CNTNAP2: variants seen among roughly 807,000 people sequenced by gnomAD.
The protein encoded by CNTNAP2 is contactin-associated protein-like 2.
In CNTNAP2, 98 loss-of-function variants were observed where a neutral mutation model predicts 155.2. The observed-to-expected ratio is 0.63, with a 90% CI of 0.54 to 0.75. The LOEUF (loss-of-function observed/expected upper bound fraction) is 0.75, where lower values mean the gene tolerates loss of function less well. CNTNAP2 is among the 30% of genes least tolerant of loss of function. The probability of loss-of-function intolerance (pLI) is 0.00; values close to 1 mark genes in which losing one functional copy is unlikely to be tolerated. For missense variants in CNTNAP2, 1,727 were observed against 1,688.1 expected, an observed-to-expected ratio of 1.02 and a Z score of -0.40; for synonymous variants, 651 against 631.2, an observed-to-expected ratio of 1.03 and a Z score of -0.47.
chr7:146,705,065 C>T (rs1800940170), intron 1 of CNTNAP2, among the ~76,000 whole-genome samples: 1 of 152,116 alleles, frequency 6.6e-6, no homozygotes, highest in Admixed American at 6.6e-5. Flanking sequence ...GGGAGGCACC[C>T]TTGTCCCCTA....
At chr7:146,536,913 A>G (rs1797878056) in intron 1 of CNTNAP2, among the ~76,000 whole-genome samples, 1 of 152,164 alleles carries the variant, frequency 6.6e-6, no homozygotes, top group Non-Finnish European at 1.5e-5. Flanking sequence ...TATTTTAATC[A>G]AATAATTATA....
chr7:146,211,178 C>T (rs1799028779), intron 1 of CNTNAP2, among the ~76,000 whole-genome samples: 2 of 152,128 alleles, frequency 1.3e-5, no homozygotes. Context: ...TGCATCCGTG[C>T]ACTTTATGTA....
rs181780829 is a variant in CNTNAP2, at chr7:146,515,073, G to A, written c.98-259198G>A. Among the ~76,000 whole-genome samples the A allele has an allele frequency of 9.9e-5, 15 of 152,156 alleles. No homozygotes were observed. In the East Asian group the frequency reaches 2.3e-3, roughly 24 times the overall value. On this transcript the variant is annotated intron_variant, in intron 1 of 23. Transcript: ENST00000361727. Reference sequence around the variant, plus strand: ...GGTTCATGCCAAGAGGATCCATGGAGTATGCCTCTCATTGTATGGTGCTGC... The same window carrying A: ...GGTTCATGCCAAGAGGATCCATGGAATATGCCTCTCATTGTATGGTGCTGC...
intron 10 of CNTNAP2, among the ~76,000 whole-genome samples, chr7:147,442,468 AG>A (rs1179699213): frequency 6.6e-6 from 1 of 152,144 alleles, no homozygotes; most frequent in Admixed American, 6.5e-5. Flanking sequence ...TGCTGGAATT[AG>A]GGACTCCAAG....
intron 1 of CNTNAP2, among the ~76,000 whole-genome samples, chr7:146,509,860 G>C (rs1383760069): frequency 1.3e-5 from 2 of 152,122 alleles, no homozygotes; most frequent in Non-Finnish European, 2.9e-5. Context: ...TGTGCTTCCA[G>C]GTGCTTCAGT....
chr7:146,404,040 G>A (rs1347932171), intron 1 of CNTNAP2, among the ~76,000 whole-genome samples: 2 of 144,912 alleles, frequency 1.4e-5, no homozygotes, highest in Non-Finnish European at 3.0e-5. Flanking sequence ...CAGGAGAATG[G>A]CGTGAACCCG....
chr7:146,146,623 T>A (rs554688586), intron 1 of CNTNAP2, among the ~76,000 whole-genome samples: 6 of 152,198 alleles, frequency 3.9e-5, no homozygotes, highest in African/African-American at 1.4e-4. Context: ...GGCTAAGACA[T>A]TGAATAATTA....
At chr7:148,124,386 G>GATCT (rs1190978988) in intron 16 of CNTNAP2, among the ~76,000 whole-genome samples, 1 of 152,140 alleles carries the variant, frequency 6.6e-6, no homozygotes, top group Non-Finnish European at 1.5e-5. Context: ...AACAACCATG[G>GATCT]ATCTGTCCAT....
At chr7:147,461,945 G>A (rs1056973498) in intron 10 of CNTNAP2, among the ~76,000 whole-genome samples, 1 of 152,150 alleles carries the variant, frequency 6.6e-6, no homozygotes, top group Admixed American at 6.5e-5. Context: ...GTTATCATTT[G>A]TCATATATAA....
At chr7:147,801,734 G>A (rs1797990980) in intron 13 of CNTNAP2, among the ~76,000 whole-genome samples, 1 of 152,152 alleles carries the variant, frequency 6.6e-6, no homozygotes. Flanking sequence ...TTTCTACACA[G>A]ACACGGCAAC....
intron 10 of CNTNAP2, among the ~76,000 whole-genome samples, chr7:147,418,721 C>T (rs1797240824): frequency 1.3e-5 from 2 of 152,282 alleles, no homozygotes; most frequent in South Asian, 2.1e-4. Context: ...TATCCCATGC[C>T]ATCTATTAAT....
intron 1 of CNTNAP2, among the ~76,000 whole-genome samples, chr7:146,252,985 T>G (rs780915376): frequency 1.3e-5 from 2 of 152,188 alleles, no homozygotes; most frequent in Admixed American, 6.5e-5. Flanking sequence ...AAAAGCTTTA[T>G]GTACAGTCTT....
chr7:146,547,743 T>C (rs1798049755), intron 1 of CNTNAP2, among the ~76,000 whole-genome samples: 1 of 152,006 alleles, frequency 6.6e-6, no homozygotes, highest in African/African-American at 2.4e-5. Context: ...ACCTTGGGTA[T>C]TGGGAATGTT....
chr7:147,222,761 C>T (rs976983233), intron 8 of CNTNAP2, among the ~76,000 whole-genome samples: 19 of 148,728 alleles, frequency 1.3e-4, no homozygotes, highest in Admixed American at 6.7e-5. Flanking sequence ...GTCTCAGTCT[C>T]TTAGTACCCC....
intron 2 of CNTNAP2, among the ~76,000 whole-genome samples, chr7:146,808,871 C>G: frequency 6.6e-6 from 1 of 152,174 alleles, no homozygotes; most frequent in Non-Finnish European, 1.5e-5. Context: ...TCACGAATGA[C>G]AGAATTTCCT....
intron 1 of CNTNAP2, among the ~76,000 whole-genome samples, chr7:146,407,984 A>C (rs1795816370): frequency 6.6e-6 from 1 of 152,120 alleles, no homozygotes; most frequent in Admixed American, 6.5e-5. Flanking sequence ...CATACTTATA[A>C]AATAAAAAAA....
At chr7:148,354,678 G>C (rs1585300737) in intron 21 of CNTNAP2, among the ~76,000 whole-genome samples, 2 of 150,336 alleles carry the variant, frequency 1.3e-5, no homozygotes, top group Middle Eastern at 6.8e-3. Flanking sequence ...TCCCTAAAAG[G>C]CTTTCTTTTT....
At chr7:148,063,098 G>C (rs1026722789) in intron 15 of CNTNAP2, among the ~76,000 whole-genome samples, 7 of 152,042 alleles carry the variant, frequency 4.6e-5, no homozygotes, top group Non-Finnish European at 8.8e-5. Flanking sequence ...TTTATTGAAA[G>C]ATATTGTCAC....
chr7:146,318,457 A>T (rs1045091032), intron 1 of CNTNAP2, among the ~76,000 whole-genome samples: 3 of 152,156 alleles, frequency 2.0e-5, no homozygotes, highest in African/African-American at 7.2e-5. Context: ...TTAAAAATTT[A>T]AAAAATGTCT....
Sources: allele counts gnomAD v4.1 joint callset (sites outside exome capture counted in the v4.1 genomes callset), GRCh38; gene constraint gnomAD v4.1.1; transcripts MANE v1.5; gene names NCBI Gene and HGNC (gene_info 2026-07-23, HGNC 2026-07-21).